GRK5: variants seen among roughly 807,000 people sequenced by gnomAD.
The protein encoded by GRK5 is g protein-coupled receptor kinase GRK5.
Under a neutral mutation model 78.4 loss-of-function variants are expected in GRK5, and 40 were observed. That is an observed-to-expected ratio of 0.51 (90% CI 0.40 to 0.66). GRK5 has a LOEUF of 0.66. Among genes scored for constraint, GRK5 ranks in the 30% least tolerant of loss-of-function variants. The probability of loss-of-function intolerance (pLI) is 0.00; values close to 1 mark genes in which losing one functional copy is unlikely to be tolerated. For missense variants in GRK5, 598 were observed against 759.9 expected, an observed-to-expected ratio of 0.79 and a Z score of 2.50; for synonymous variants, 289 against 296.8, an observed-to-expected ratio of 0.97 and a Z score of 0.27.
intron 1 of GRK5, among the ~76,000 whole-genome samples, chr10:119,208,975 T>C (rs1848436693): frequency 1.3e-5 from 2 of 151,928 alleles, no homozygotes; most frequent in Admixed American, 1.3e-4. Context: ...GGGGAAGAGG[T>C]TTTTCCCTTT....
Position 119,369,539 on chromosome 10 carries a change from G to A in GRK5, c.149-11276G>A, listed in dbSNP as rs139883332. On this transcript the variant is annotated intron_variant, in intron 2 of 15. Coordinates refer to ENST00000392870, the MANE Select transcript of GRK5 (RefSeq NM_005308.3). Reference sequence around the variant, plus strand: ...GCTTTCCAGGCTCTTCCTGATCTCAGTGATTTTGCAGCTGTGCTTTTAGGA... The same window carrying A: ...GCTTTCCAGGCTCTTCCTGATCTCAATGATTTTGCAGCTGTGCTTTTAGGA... 5.8e-3 allele frequency among the ~76,000 whole-genome samples: 884 copies of A among 152,294 alleles called. 4 individuals are homozygous for A. Among genetic ancestry groups the A allele is most frequent in the Non-Finnish European group, 8.7e-3 (592 of 68,034 alleles).
intron 1 of GRK5, among the ~76,000 whole-genome samples, chr10:119,242,938 A>G: frequency 6.6e-6 from 1 of 152,106 alleles, no homozygotes; most frequent in East Asian, 1.9e-4. Context: ...TCTTATAGCA[A>G]TGTGAAAACA....
intron 1 of GRK5, among the ~76,000 whole-genome samples, chr10:119,315,044 T>C (rs935142844): frequency 5.9e-5 from 9 of 152,184 alleles, no homozygotes; most frequent in East Asian, 1.9e-4. Flanking sequence ...GTCTCACTTA[T>C]GGGGATCTTC....
intron 1 of GRK5, among the ~76,000 whole-genome samples, chr10:119,250,689 C>T (rs529529308): frequency 7.2e-5 from 11 of 152,106 alleles, no homozygotes; most frequent in Non-Finnish European, 1.6e-4. Flanking sequence ...CTTAAGTCAG[C>T]ACCTTGATGA....
rs1252254512 is a variant in GRK5 at position 119,458,115 on chromosome 10, G to T, written c.*3048G>T. 3 of 152,220 alleles carry T rather than the reference G, an allele frequency of 2.0e-5. No homozygotes were observed. The highest frequency in any genetic ancestry group is 7.2e-5 in the African/African-American group (3 of 41,446). 9.4% of individuals were successfully genotyped at this position (152,220 alleles called of 1,614,324 possible). The stretch of plus-strand genomic sequence containing the variant: ...CGGATTTACTCTCGTTCATGCATTT[G>T]AGCGCTTCACAGAAGAGTCTTTCTT... On this transcript the variant is annotated 3_prime_UTR_variant, in exon 16 of 16. Coordinates refer to ENST00000392870, the MANE Select transcript of GRK5 (RefSeq NM_005308.3).
chr10:119,391,406 G>C (rs565456382), intron 3 of GRK5, among the ~76,000 whole-genome samples: 2 of 152,360 alleles, frequency 1.3e-5, no homozygotes, highest in East Asian at 3.9e-4. Context: ...CAGGGCATCA[G>C]CCAGGTCCTG....
At chr10:119,260,260 C>T (rs1187012618) in intron 1 of GRK5, among the ~76,000 whole-genome samples, 1 of 152,172 alleles carries the variant, frequency 6.6e-6, no homozygotes, top group African/African-American at 2.4e-5. Context: ...CTCGGCCTCC[C>T]AAAGTGCTGG....
At chr10:119,396,855 C>T (rs1852063786) in intron 4 of GRK5, 83 bp downstream of exon 4, 1 of 1,028,162 alleles carries the variant, frequency 9.7e-7, no homozygotes, top group African/African-American at 1.6e-5. Context: ...TGCCAGGCCA[C>T]ATGGGGAGCT....
intron 1 of GRK5, among the ~76,000 whole-genome samples, chr10:119,323,007 A>T (rs1411788267): frequency 3.3e-5 from 5 of 152,280 alleles, no homozygotes; most frequent in African/African-American, 9.6e-5. Flanking sequence ...ATGCTCCAAC[A>T]TGGGCGAAGC....
At chr10:119,331,246 T>C (rs567812453) in intron 2 of GRK5, among the ~76,000 whole-genome samples, 58 of 152,210 alleles carry the variant, frequency 3.8e-4, no homozygotes, top group Middle Eastern at 3.4e-3. Flanking sequence ...CGTGTGGAAA[T>C]GGATTCTTCT....
chr10:119,228,493 G>C (rs188017694), intron 1 of GRK5, among the ~76,000 whole-genome samples: 45 of 151,802 alleles, frequency 3.0e-4, no homozygotes, highest in African/African-American at 1.1e-3. Context: ...AGCCAGGCAT[G>C]GTGGTGCATG....
rs1440287098 is a variant in GRK5, at chr10:119,325,058, C to T, written c.53-1458C>T. On this transcript the variant is annotated intron_variant, in intron 1 of 15. Transcript: ENST00000392870. ...AGAGAGACTCCTCCCCATCAGCACT[C>T]TCTCCTGCTTCCTGGAGCAGGAGCA... 2.0e-5 allele frequency among the ~76,000 whole-genome samples: 3 copies of T among 152,234 alleles called. No individual in the cohort carries two copies. In the South Asian group the frequency reaches 6.2e-4, roughly 32 times the overall value.
chr10:119,232,668 C>G (rs1214968591), intron 1 of GRK5, among the ~76,000 whole-genome samples: 1 of 152,174 alleles, frequency 6.6e-6, no homozygotes, highest in East Asian at 1.9e-4. Context: ...CACAAGCTCT[C>G]TTTGCCTGCT....
intron 4 of GRK5, among the ~76,000 whole-genome samples, chr10:119,397,033 A>T (rs2133854584): frequency 6.6e-6 from 1 of 152,368 alleles, no homozygotes; most frequent in South Asian, 2.1e-4. Flanking sequence ...AAGGGTCACC[A>T]TGCTGCTGTG....
chr10:119,369,175 C>T (rs553055358), intron 2 of GRK5, among the ~76,000 whole-genome samples: 5 of 152,252 alleles, frequency 3.3e-5, no homozygotes, highest in East Asian at 1.9e-4. Flanking sequence ...TTGATGCAGT[C>T]GGTCTGGGTG....
intron 2 of GRK5, among the ~76,000 whole-genome samples, chr10:119,345,970 C>T (rs1477875715): frequency 2.6e-5 from 4 of 152,078 alleles, no homozygotes; most frequent in Non-Finnish European, 5.9e-5. Context: ...TCAGTGGATC[C>T]CTGTCCCAAA....
chr10:119,424,024 C>T (rs1051059839), intron 5 of GRK5, among the ~76,000 whole-genome samples: 1 of 152,114 alleles, frequency 6.6e-6, no homozygotes, highest in Non-Finnish European at 1.5e-5. Context: ...ACAAGAAAAA[C>T]AGCAACCTGC....
intron 1 of GRK5, among the ~76,000 whole-genome samples, chr10:119,305,950 G>A (rs534626133): frequency 7.9e-5 from 12 of 152,260 alleles, no homozygotes; most frequent in South Asian, 6.2e-4. Flanking sequence ...AGCAGGTGAC[G>A]GCCTGACCAC....
chr10:119,393,691 C>T (rs1851923727), intron 3 of GRK5, among the ~76,000 whole-genome samples: 1 of 152,232 alleles, frequency 6.6e-6, no homozygotes, highest in Non-Finnish European at 1.5e-5. Context: ...GAGTGCTCAG[C>T]CCCTTTGGAG....
Sources: allele counts gnomAD v4.1 joint callset (sites outside exome capture counted in the v4.1 genomes callset), GRCh38; gene constraint gnomAD v4.1.1; transcripts MANE v1.5; gene names NCBI Gene and HGNC (gene_info 2026-07-23, HGNC 2026-07-21).